HAUS6: variants seen among roughly 807,000 people sequenced by gnomAD.
HAUS6 encodes the protein HAUS augmin like complex subunit 6, also known as HAUS augmin-like complex subunit 6.
HAUS6 carries 80 observed loss-of-function variants against 106.8 expected under a neutral mutation model. The observed-to-expected ratio is 0.75, with a 90% CI of 0.63 to 0.90. The LOEUF is 0.90. Ranked by LOEUF, HAUS6 falls within the 40% of genes least tolerant of loss-of-function variation. The pLI, the probability that HAUS6 is intolerant of heterozygous loss-of-function variation, is 0.00. For missense variants in HAUS6, 1,155 were observed against 1,118.1 expected (o/e 1.03, Z -0.47); for synonymous variants, 356 against 379.1 (o/e 0.94, Z 0.71).
At chr9:19,073,641 CCA>C (rs1491309364) in intron 11 of HAUS6, among the ~76,000 whole-genome samples, 5 of 137,636 alleles carry the variant, frequency 3.6e-5, no homozygotes, top group African/African-American at 1.4e-4. Context: ...TAGTGGATCT[CCA>C]AAAAAAAAAA....
Position 19,058,424 on chromosome 9 carries a change from C to G in HAUS6, c.2343G>C (p.Pro781=), listed in dbSNP as rs191418569. The change falls in exon 16 of 17, where the codon CCG becomes CCC. Residue 781 remains proline (P), a synonymous_variant. Transcript: ENST00000380502. ...TAAAACTTAGATGACCAACTTCTTCCGGGAGAGTTTCGTGTAATATGCCAA... is the reference window on the plus strand; with the variant it reads ...TAAAACTTAGATGACCAACTTCTTCGGGGAGAGTTTCGTGTAATATGCCAA... The part of the protein sequence containing the change: ...NDFGILHETL[P]EEVGHLSFNS... 6.2e-7 allele frequency: 1 copy of G among 1,609,526 alleles called. No homozygotes were observed. The highest frequency in any genetic ancestry group is 1.1e-5 in the South Asian group (1 of 90,932).
chr9:19,101,513 A>G (rs757532994), intron 1 of HAUS6, among the ~76,000 whole-genome samples: 1 of 151,602 alleles, frequency 6.6e-6, no homozygotes, highest in African/African-American at 2.4e-5. Flanking sequence ...ACAATGGCTC[A>G]TATCTATAAT....
chr9:19,061,986 G>C (rs557247501), intron 14 of HAUS6, among the ~76,000 whole-genome samples: 2 of 152,328 alleles, frequency 1.3e-5, no homozygotes, highest in South Asian at 4.1e-4. Context: ...GGAATAAAAA[G>C]TAACACTGAT....
chr9:19,087,515 C>G (rs1837325513), intron 5 of HAUS6, among the ~76,000 whole-genome samples: 1 of 152,130 alleles, frequency 6.6e-6, no homozygotes, highest in Non-Finnish European at 1.5e-5. Context: ...TAATATATAA[C>G]AAAGCATTCT....
chr9:19,084,847 G>T (rs1410626939), intron 7 of HAUS6, among the ~76,000 whole-genome samples: 5 of 151,804 alleles, frequency 3.3e-5, no homozygotes, highest in Non-Finnish European at 7.4e-5. Context: ...GGCCAGGCTG[G>T]CCTCAAACTC....
At chr9:19,080,729 T>C in intron 8 of HAUS6, 57 bp from the exon 9 acceptor site, 2 of 930,210 alleles carry the variant, frequency 2.2e-6, no homozygotes, top group Non-Finnish European at 1.7e-6. Context: ...CAACAAACTA[T>C]TACATAAAAA....
chr9:19,092,916 C>CAAAAAAAAAAAAAAAAAA (rs71494998), intron 4 of HAUS6, among the ~76,000 whole-genome samples: 116 of 76,174 alleles, frequency 1.5e-3, no homozygotes, highest in African/African-American at 4.1e-3. Context: ...AACTGTGTCT[C>CAAAAAAAAAAAAAAAAAA]AAAAAAAAAA....
In HAUS6 at chr9:19,053,764, A is replaced by C. The variant is rs920844375; in HGVS notation, c.*2579T>G. 2 of 152,166 alleles carry C rather than the reference A, an allele frequency of 1.3e-5. No individual in the cohort carries two copies. Among genetic ancestry groups the C allele is most frequent in the Non-Finnish European group, 1.5e-5 (1 of 68,002 alleles). The allele number at this position is 152,166 out of a possible 1,614,324, so 9.4% of individuals were successfully genotyped here. On this transcript the variant is annotated 3_prime_UTR_variant, in exon 17 of 17. Transcript: ENST00000380502. Reference sequence around the variant, plus strand: ...GAGTAATAAATTAGCCCTCTTTACCATTTATTCCATGATATAGGAGGCAAA... The same window carrying C: ...GAGTAATAAATTAGCCCTCTTTACCCTTTATTCCATGATATAGGAGGCAAA...
At chr9:19,087,846 C>CAAAAAAA (rs71333081) in intron 5 of HAUS6, among the ~76,000 whole-genome samples, 2 of 78,712 alleles carry the variant, frequency 2.5e-5, no homozygotes, top group Non-Finnish European at 4.7e-5. Context: ...GACCTTGTCT[C>CAAAAAAA]AAAAAAAAAA....
chr9:19,097,295 CCAT>C (rs1347818041), intron 1 of HAUS6, among the ~76,000 whole-genome samples: 2 of 152,100 alleles, frequency 1.3e-5, no homozygotes, highest in Admixed American at 6.6e-5. Context: ...AAAGAAACTG[CCAT>C]CAGAGTGAAC....
chr9:19,076,411 T>C (rs1309028264), intron 11 of HAUS6, among the ~76,000 whole-genome samples, 191 bp downstream of exon 11: 1 of 152,030 alleles, frequency 6.6e-6, no homozygotes, highest in Non-Finnish European at 1.5e-5. Context: ...TGCACAACAT[T>C]GTAAATGTAC....
chr9:19,102,557 C>T lies in HAUS6; in HGVS notation c.95G>A (p.Cys32Tyr), dbSNP rs1564024824. The change falls in exon 1 of 17, where the codon TGC becomes TAC. Residue 32 changes from cysteine to tyrosine, a missense_variant. Around this residue, in one of 3 missense-constraint regions of HAUS6, gnomAD observed 761 missense variants for 690.0 expected, o/e 1.10. Transcript: ENST00000380502. The stretch of plus-strand genomic sequence containing the variant: ...GTGCGTGTGCGACACGATCTTTCCG[C>T]AGGCAATGGTTGCCGGGCCTGGCTC... ...GFEPGPATIACGKIVSHTHLG... is the reference protein window; with the variant it reads ...GFEPGPATIAYGKIVSHTHLG... 2 of 1,613,796 alleles carry T rather than the reference C, an allele frequency of 1.2e-6. No homozygotes were observed. Among genetic ancestry groups the T allele is most frequent in the African/African-American group, 2.7e-5 (2 of 74,950 alleles).
intron 14 of HAUS6, 74 bp from the exon 15 acceptor site, chr9:19,060,297 G>C: frequency 1.7e-6 from 2 of 1,188,004 alleles, no homozygotes. Flanking sequence ...CCCTGATAAG[G>C]ATAATAAGCA....
chr9:19,101,583 G>A (rs1588633665), intron 1 of HAUS6, among the ~76,000 whole-genome samples: 1 of 152,208 alleles, frequency 6.6e-6, no homozygotes, highest in South Asian at 2.1e-4. Flanking sequence ...TTTGAGACCA[G>A]CCTGGGCAAC....
intron 8 of HAUS6, among the ~76,000 whole-genome samples, chr9:19,081,116 AC>A (rs1056844634): frequency 6.6e-6 from 1 of 151,940 alleles, no homozygotes; most frequent in African/African-American, 2.4e-5. Context: ...AAAATCAAAT[AC>A]CCCCAAACAT....
intron 5 of HAUS6, among the ~76,000 whole-genome samples, chr9:19,088,650 T>C (rs1215572092): frequency 1.3e-5 from 2 of 149,226 alleles, no homozygotes; most frequent in Admixed American, 1.3e-4. Flanking sequence ...GGCGGATCAC[T>C]TGAGGTCAGG....
In HAUS6 at chr9:19,096,707, A is replaced by C. The variant is rs1311860901; in HGVS notation, c.191T>G (p.Val64Gly). The C allele has an allele frequency of 6.5e-7, 1 of 1,548,752 alleles. No individual in the cohort carries two copies. Among genetic ancestry groups the C allele is most frequent in the Non-Finnish European group, 8.8e-7 (1 of 1,137,390 alleles). Residue 64 changes from valine to glycine, a missense_variant, in exon 2 of 17, where the codon GTT becomes GGT. By Grantham distance (109) the Val-to-Gly change is moderately radical. Transcript: ENST00000380502. Reference protein sequence around the residue: ...FHIISYFLFQVLDQSLTKEVF... With the variant: ...FHIISYFLFQGLDQSLTKEVF... ...TTCTTTGGTGAGAGACTGGTCCAGAACTTGAAACAAAAAATAAGAAATTAT... is the reference window on the plus strand; with the variant it reads ...TTCTTTGGTGAGAGACTGGTCCAGACCTTGAAACAAAAAATAAGAAATTAT...
chr9:19,062,006 G>A (rs1836633897), intron 14 of HAUS6, among the ~76,000 whole-genome samples: 1 of 152,194 alleles, frequency 6.6e-6, no homozygotes, highest in South Asian at 2.1e-4. Flanking sequence ...TTTTCTGGCT[G>A]CTTAACCAAA....
At chr9:19,087,475 A>G (rs546715031) in intron 5 of HAUS6, among the ~76,000 whole-genome samples, 2 of 152,356 alleles carry the variant, frequency 1.3e-5, no homozygotes, top group East Asian at 3.9e-4. Context: ...GCAACATTTC[A>G]GTTAATTTCA....
Sources: allele counts gnomAD v4.1 joint callset (sites outside exome capture counted in the v4.1 genomes callset), GRCh38; gene constraint gnomAD v4.1.1; regional missense constraint gnomAD v4.1.1; transcripts MANE v1.5; gene names NCBI Gene and HGNC (gene_info 2026-07-23, HGNC 2026-07-21).